NBEA: variants seen among roughly 807,000 people sequenced by gnomAD.
NBEA encodes lysosomal-trafficking regulator 2.
NBEA carries 44 observed loss-of-function variants against 343.4 expected under a neutral mutation model. The ratio of observed to expected loss-of-function variants is 0.13; its 90% CI spans 0.10 to 0.16. The LOEUF (loss-of-function observed/expected upper bound fraction) is 0.16. Among genes scored for constraint, NBEA ranks in the 10% least tolerant of loss-of-function variants. The pLI is 1.00. For synonymous variants in NBEA, 1,175 were observed against 1,238.7 expected (o/e 0.95, Z 1.08); for missense variants, 2,555 against 3,631.3 (o/e 0.70, Z 7.62).
intron 8 of NBEA, among the ~76,000 whole-genome samples, chr13:35,059,178 TAATG>T (rs1365086196): frequency 2.6e-5 from 4 of 151,958 alleles, no homozygotes; most frequent in Non-Finnish European, 5.9e-5. Context: ...ACATATTACT[TAATG>T]AACATAATAA....
intron 33 of NBEA, among the ~76,000 whole-genome samples, chr13:35,215,089 T>C (rs1381846634): frequency 1.3e-5 from 2 of 151,770 alleles, no homozygotes; most frequent in African/African-American, 2.4e-5. Flanking sequence ...GTAATGTAAG[T>C]CCTGTAACTA....
intron 26 of NBEA, among the ~76,000 whole-genome samples, chr13:35,172,558 T>A (rs575867166): frequency 1.3e-5 from 2 of 152,076 alleles, no homozygotes; most frequent in Admixed American, 1.3e-4. Flanking sequence ...TTACTCCCTA[T>A]TTCATTTTTA....
intron 11 of NBEA, among the ~76,000 whole-genome samples, chr13:35,108,520 A>G (rs570608536): frequency 5.3e-5 from 8 of 152,088 alleles, no homozygotes; most frequent in Non-Finnish European, 7.4e-5. Flanking sequence ...ATAATATGCA[A>G]TATATTATTT....
chr13:35,132,906 T>TG (rs1364588658), intron 17 of NBEA, among the ~76,000 whole-genome samples: 2 of 152,272 alleles, frequency 1.3e-5, no homozygotes, highest in Admixed American at 1.3e-4. Flanking sequence ...AGTAAAAATG[T>TG]GAAAAACAAA....
At chr13:35,346,852 A>G (rs2039907203) in intron 36 of NBEA, among the ~76,000 whole-genome samples, 1 of 152,156 alleles carries the variant, frequency 6.6e-6, no homozygotes, top group Non-Finnish European at 1.5e-5. Flanking sequence ...CATGGATTTT[A>G]GACGGATTTC....
chr13:35,499,353 A>C (rs1198108320), intron 41 of NBEA, among the ~76,000 whole-genome samples: 2 of 152,082 alleles, frequency 1.3e-5, no homozygotes, highest in Non-Finnish European at 1.5e-5. Flanking sequence ...TCTCAAGAGC[A>C]CTTCAGCACA....
In NBEA at chr13:34,942,729, G is replaced by A; in HGVS notation, c.-92G>A. The A allele has an allele frequency of 1.8e-6, 2 of 1,092,212 alleles. No homozygotes were observed. Among genetic ancestry groups the A allele is most frequent in the Non-Finnish European group, 2.3e-6 (2 of 857,430 alleles). 67.7% of individuals were successfully genotyped at this position (1,092,212 alleles called of 1,614,324 possible). On this transcript the variant is annotated 5_prime_UTR_variant, in exon 1 of 59. Coordinates refer to ENST00000379939, the MANE Select transcript of NBEA (RefSeq NM_001385012.1). ...GCGCTGGTGGATGCTGGGGCTCCGA[G>A]GCGACGGCCGGGGGGCGGGGGCCGA...
Position 35,082,547 on chromosome 13 carries a change from G to T in NBEA, c.1571+11695G>T, listed in dbSNP as rs545700865. Reference sequence around the variant, plus strand: ...ACAGTCCCACCAACAGTGTAAAAGTGTTCCTATTTCTCCACATCTTCTGCA... The same window carrying T: ...ACAGTCCCACCAACAGTGTAAAAGTTTTCCTATTTCTCCACATCTTCTGCA... On this transcript the variant is annotated intron_variant, in intron 10 of 58. Transcript: ENST00000379939. Among the ~76,000 whole-genome samples the T allele has an allele frequency of 3.9e-5, 6 of 152,272 alleles. No individual in the cohort carries two copies. The East Asian group carries it at 1.2e-3, about 29-fold the overall frequency.
At chr13:35,615,746 G>A (rs2082714218) in intron 48 of NBEA, among the ~76,000 whole-genome samples, 1 of 152,194 alleles carries the variant, frequency 6.6e-6, no homozygotes, top group African/African-American at 2.4e-5. Flanking sequence ...GCAGGCAAGA[G>A]GAGCCGTGGA....
At chr13:35,157,634 A>T (rs897736473) in intron 21 of NBEA, among the ~76,000 whole-genome samples, 2 of 152,020 alleles carry the variant, frequency 1.3e-5, no homozygotes, top group Non-Finnish European at 2.9e-5. Flanking sequence ...AAGAAGTCAG[A>T]TTTTTTTATT....
At chr13:35,028,044 C>G (rs968433253) in intron 1 of NBEA, among the ~76,000 whole-genome samples, 5 of 151,892 alleles carry the variant, frequency 3.3e-5, no homozygotes, top group African/African-American at 1.2e-4. Context: ...ATGTGTCTAT[C>G]AACTCACCAG....
In NBEA at chr13:35,308,482, ATATG is replaced by A. The variant is rs1457679399; in HGVS notation, c.5839-1044_5839-1041del. 3.1e-3 allele frequency among the ~76,000 whole-genome samples: 390 copies of A among 125,176 alleles called. 5 individuals are homozygous for A. Among genetic ancestry groups the A allele is most frequent in the African/African-American group, 0.012 (373 of 30,766 alleles). 82.1% of individuals were successfully genotyped at this position (125,176 alleles called of 152,430 possible). ...TATATATATATATATATGTATATAT[ATATG>A]TGTATATATATGTGTATATATATAT... On this transcript the variant is annotated intron_variant, in intron 35 of 58. Coordinates refer to ENST00000379939, the MANE Select transcript of NBEA (RefSeq NM_001385012.1).
intron 41 of NBEA, among the ~76,000 whole-genome samples, chr13:35,498,977 C>T (rs1594812601): frequency 6.6e-6 from 1 of 152,106 alleles, no homozygotes; most frequent in East Asian, 1.9e-4. Context: ...GTGACCACAC[C>T]AGGCAATTGA....
rs1471856363 is a variant in NBEA at position 34,984,733 on chromosome 13, C to A, written c.294+41619C>A. Among the ~76,000 whole-genome samples, 3 of 150,908 alleles carry A rather than the reference C, an allele frequency of 2.0e-5. No individual in the cohort carries two copies. In the East Asian group the frequency reaches 5.8e-4, roughly 29 times the overall value. On this transcript the variant is annotated intron_variant, in intron 1 of 58. Transcript: ENST00000379939. ...TTTCGTTGAGCAGTGGTTTGTAGTT[C>A]TCTTTGAAGAGGTCCTTCACATCCC...
chr13:35,514,199 G>A (rs138331220), intron 41 of NBEA, among the ~76,000 whole-genome samples: 4 of 151,998 alleles, frequency 2.6e-5, no homozygotes, highest in African/African-American at 7.2e-5. Context: ...AGTTTATAGC[G>A]GACAAAATGT....
In NBEA at chr13:35,638,551, G is replaced by C. The variant is rs188584995; in HGVS notation, c.7618-7318G>C. Among the ~76,000 whole-genome samples, 620 of 152,286 alleles carry C rather than the reference G, an allele frequency of 4.1e-3. 4 individuals are homozygous for C. The highest frequency in any genetic ancestry group is 6.4e-3 in the Non-Finnish European group (438 of 68,010). ...TGGCTGAACCCACTGGGAAGGTAGAGAGCAAGGGAGCACAGGTCTATGGAG... is the reference window on the plus strand; with the variant it reads ...TGGCTGAACCCACTGGGAAGGTAGACAGCAAGGGAGCACAGGTCTATGGAG... On this transcript the variant is annotated intron_variant, in intron 49 of 58. Transcript: ENST00000379939.
At chr13:35,589,526 G>T (rs546985893) in intron 46 of NBEA, among the ~76,000 whole-genome samples, 1 of 152,008 alleles carries the variant, frequency 6.6e-6, no homozygotes, top group Admixed American at 6.6e-5. Context: ...AACGAGATTT[G>T]TTTTGGCTTT....
chr13:35,332,924 C>T (rs1385836888), intron 36 of NBEA, among the ~76,000 whole-genome samples: 1 of 152,044 alleles, frequency 6.6e-6, no homozygotes, highest in African/African-American at 2.4e-5. Context: ...TAAATTAGTG[C>T]CCCAAGGGGA....
At position 35,182,441 on chromosome 13, in the gene NBEA, A is replaced by G. The variant is rs1435883262; in HGVS notation, c.4744A>G (p.Ile1582Val). 1 of 1,610,722 alleles carries G rather than the reference A, an allele frequency of 6.2e-7. No individual in the cohort carries two copies. Among genetic ancestry groups the G allele is most frequent in the Non-Finnish European group, 8.5e-7 (1 of 1,177,878 alleles). ...SVLMVSKYRD[I>V]LEPQRETTRT... ...TCTGATGGTTTCCAAGTATCGTGAC[A>G]TATTAGAACCCCAGAGAGAGACTAC... Residue 1582 changes from isoleucine (I) to valine (V), a missense_variant, in exon 29 of 59, where the codon ATA becomes GTA. Ile to Val is a conservative substitution (Grantham distance 29). Around this residue, in one of 21 missense-constraint regions of NBEA, gnomAD observed 3 missense variants for 25.7 expected, o/e 0.12. Coordinates refer to ENST00000379939, the MANE Select transcript of NBEA (RefSeq NM_001385012.1).
Sources: gnomAD v4.1 joint callset for allele counts (sites outside exome capture counted in the v4.1 genomes callset) on GRCh38, gnomAD v4.1.1 for gene constraint, gnomAD v4.1.1 regional missense constraint, MANE v1.5 for transcripts, NCBI Gene and HGNC (gene_info 2026-07-23, HGNC 2026-07-21) for gene names.